The following GPC5 variants were observed in gnomAD, a reference collection of about 807,000 sequenced individuals.
The protein encoded by GPC5 is glypican 5.
GPC5 carries 47 observed loss-of-function variants against 53.9 expected under a neutral mutation model. The ratio of observed to expected loss-of-function variants is 0.87; its 90% CI spans 0.69 to 1.11. GPC5 has a LOEUF of 1.11. Ranked by LOEUF, GPC5 falls within the 50% of genes most tolerant of loss-of-function variation. The probability of loss-of-function intolerance (pLI) is 0.00; values close to 1 mark genes in which losing one functional copy is unlikely to be tolerated. For synonymous variants in GPC5, 286 were observed against 263.3 expected (o/e 1.09, Z -0.84); for missense variants, 748 against 713.1 (o/e 1.05, Z -0.56).
intron 3 of GPC5, among the ~76,000 whole-genome samples, chr13:91,706,130 T>C (rs1248290738): frequency 6.6e-6 from 1 of 151,980 alleles, no homozygotes; most frequent in East Asian, 1.9e-4. Flanking sequence ...CCGCCCACCT[T>C]GGCCTCCCAA....
At chr13:92,564,649 T>C (rs1052902262) in intron 7 of GPC5, among the ~76,000 whole-genome samples, 9 of 151,972 alleles carry the variant, frequency 5.9e-5, no homozygotes, top group African/African-American at 2.2e-4. Context: ...ACCCAATGGG[T>C]AGTTTTTCAG....
intron 7 of GPC5, among the ~76,000 whole-genome samples, chr13:92,355,057 A>G (rs923787836): frequency 3.3e-5 from 5 of 151,520 alleles, no homozygotes; most frequent in Non-Finnish European, 5.9e-5. Context: ...TTAGCATAAT[A>G]TTTAATTATG....
chr13:91,771,685 G>A (rs2037627680), intron 5 of GPC5, among the ~76,000 whole-genome samples: 1 of 152,098 alleles, frequency 6.6e-6, no homozygotes, highest in South Asian at 2.1e-4. Flanking sequence ...ATTTCTATGT[G>A]CTTCCGTAAT....
At chr13:92,155,112 C>T (rs1222495301) in intron 7 of GPC5, among the ~76,000 whole-genome samples, 1 of 152,114 alleles carries the variant, frequency 6.6e-6, no homozygotes, top group Non-Finnish European at 1.5e-5. Flanking sequence ...CAATATCTCT[C>T]TAGTGTATTC....
intron 6 of GPC5, among the ~76,000 whole-genome samples, chr13:92,135,959 G>A (rs531607961): frequency 2.6e-5 from 4 of 152,264 alleles, no homozygotes; most frequent in Admixed American, 2.6e-4. Flanking sequence ...TATGTACACG[G>A]TATTTCTACA....
intron 7 of GPC5, among the ~76,000 whole-genome samples, chr13:92,551,060 T>C (rs998602823): frequency 6.6e-6 from 1 of 151,928 alleles, no homozygotes; most frequent in African/African-American, 2.4e-5. Context: ...GACAATGCTG[T>C]TGATATTTTG....
chr13:91,916,923 G>A (rs2039665023), intron 6 of GPC5, among the ~76,000 whole-genome samples: 3 of 152,170 alleles, frequency 2.0e-5, no homozygotes, highest in Admixed American at 1.3e-4. Flanking sequence ...AATTCAAGAT[G>A]AGATTTTGGG....
chr13:92,059,042 C>T (rs1594747568), intron 6 of GPC5, among the ~76,000 whole-genome samples: 2 of 152,150 alleles, frequency 1.3e-5, no homozygotes, highest in East Asian at 3.9e-4. Flanking sequence ...TAAAACTGTA[C>T]ATTTTATCTA....
intron 7 of GPC5, among the ~76,000 whole-genome samples, chr13:92,385,355 C>A (rs1219852833): frequency 4.5e-5 from 4 of 88,362 alleles, no homozygotes. Context: ...TACATATATA[C>A]ATATATACAT....
At chr13:92,521,935 AAAAC>A (rs761332065) in intron 7 of GPC5, among the ~76,000 whole-genome samples, 8 of 152,300 alleles carry the variant, frequency 5.3e-5, no homozygotes, top group East Asian at 1.9e-4. Context: ...TTACAAGAAA[AAAAC>A]AAACAACCCC....
In GPC5 at chr13:92,628,696, C is replaced by T. The variant is rs79000051; in HGVS notation, c.1562-237586C>T. On this transcript the variant is annotated intron_variant, in intron 7 of 7. Coordinates refer to ENST00000377067, the MANE Select transcript of GPC5 (RefSeq NM_004466.6). ...CTCTGAAGACACTTTAGATGGGAAG[C>T]TGAAACACCCATCTGCCTTCTCCAA... Among the ~76,000 whole-genome samples the T allele has an allele frequency of 2.3e-3, 350 of 152,230 alleles. 5 individuals carry two copies. Among genetic ancestry groups the T allele is most frequent in the African/African-American group, 8.3e-3 (345 of 41,528 alleles).
chr13:92,442,795 C>T (rs539908054), intron 7 of GPC5, among the ~76,000 whole-genome samples: 6 of 152,224 alleles, frequency 3.9e-5, no homozygotes, highest in Non-Finnish European at 8.8e-5. Context: ...CTACATGATC[C>T]TGAGAATTTC....
chr13:91,961,507 GAT>G (rs1164263413), intron 6 of GPC5, among the ~76,000 whole-genome samples: 2 of 151,826 alleles, frequency 1.3e-5, no homozygotes, highest in Non-Finnish European at 2.9e-5. Context: ...GTAAACTTAT[GAT>G]TTCATGTGGA....
chr13:92,632,609 G>A (rs752522514), intron 7 of GPC5, among the ~76,000 whole-genome samples: 12 of 151,392 alleles, frequency 7.9e-5, no homozygotes, highest in Non-Finnish European at 1.6e-4. Flanking sequence ...GTAATTACTA[G>A]GACTGTAAAC....
intron 6 of GPC5, among the ~76,000 whole-genome samples, chr13:92,024,395 G>A (rs189566521): frequency 3.9e-5 from 6 of 152,146 alleles, no homozygotes; most frequent in East Asian, 3.9e-4. Context: ...GTTTCATTGC[G>A]GTCATTGTCC....
intron 7 of GPC5, among the ~76,000 whole-genome samples, chr13:92,230,948 G>A (rs979677554): frequency 7.9e-5 from 12 of 152,138 alleles, no homozygotes; most frequent in Non-Finnish European, 1.6e-4. Flanking sequence ...TAAATAAATT[G>A]TCCTTAGAAA....
intron 7 of GPC5, among the ~76,000 whole-genome samples, chr13:92,389,023 T>C (rs939094303): frequency 6.6e-6 from 1 of 152,146 alleles, no homozygotes; most frequent in Admixed American, 6.5e-5. Context: ...ATGTCAGTGA[T>C]GGAAAGCAGC....
At chr13:91,935,760 T>C (rs1594673506) in intron 6 of GPC5, among the ~76,000 whole-genome samples, 1 of 151,996 alleles carries the variant, frequency 6.6e-6, no homozygotes, top group South Asian at 2.1e-4. Context: ...ATTTGAAATG[T>C]TTTTGAGAGT....
intron 5 of GPC5, among the ~76,000 whole-genome samples, chr13:91,760,849 AT>A (rs1385094637): frequency 6.6e-6 from 1 of 152,192 alleles, no homozygotes; most frequent in Non-Finnish European, 1.5e-5. Flanking sequence ...AAAGAGTTTG[AT>A]TTTTGAAACA....
Sources: gnomAD v4.1 joint callset for allele counts (sites outside exome capture counted in the v4.1 genomes callset) on GRCh38, gnomAD v4.1.1 for gene constraint, MANE v1.5 for transcripts, NCBI Gene and HGNC (gene_info 2026-07-23, HGNC 2026-07-21) for gene names.